VWC2L: variants seen among roughly 807,000 people sequenced by gnomAD.
VWC2L encodes von Willebrand factor C domain-containing protein 2-like.
In VWC2L, 10 loss-of-function variants were observed where a neutral mutation model predicts 21.6. The ratio of observed to expected loss-of-function variants is 0.46; its 90% CI spans 0.29 to 0.78. The LOEUF (loss-of-function observed/expected upper bound fraction) is 0.78, where lower values mean the gene tolerates loss of function less well. Ranked by LOEUF, VWC2L falls within the 30% of genes least tolerant of loss-of-function variation. The pLI is 0.10. For synonymous variants in VWC2L, 96 were observed against 94.3 expected, an observed-to-expected ratio of 1.02 and a Z score of -0.10; for missense variants, 209 against 277.1, an observed-to-expected ratio of 0.75 and a Z score of 1.74.
chr2:214,476,004 C>T (rs181999703), intron 3 of VWC2L, among the ~76,000 whole-genome samples: 32 of 152,292 alleles, frequency 2.1e-4, no homozygotes, highest in African/African-American at 7.7e-4. Flanking sequence ...AAATAGAATA[C>T]GTGAAAATAG....
At chr2:214,465,946 C>A (rs552111921) in intron 3 of VWC2L, among the ~76,000 whole-genome samples, 1 of 152,178 alleles carries the variant, frequency 6.6e-6, no homozygotes, top group Non-Finnish European at 1.5e-5. Flanking sequence ...AATCGCTGCA[C>A]TCTCCCTCCC....
chr2:214,456,567 A>C (rs1318021715), intron 3 of VWC2L, among the ~76,000 whole-genome samples: 1 of 152,052 alleles, frequency 6.6e-6, no homozygotes, highest in Admixed American at 6.6e-5. Flanking sequence ...AAAGATTTTT[A>C]GTTTAATATA....
chr2:214,559,499 T>A (rs1689929996), intron 3 of VWC2L, among the ~76,000 whole-genome samples: 1 of 152,144 alleles, frequency 6.6e-6, no homozygotes, highest in Admixed American at 6.5e-5. Context: ...CACTGGCCCC[T>A]CCTTCTCCCA....
intron 3 of VWC2L, among the ~76,000 whole-genome samples, chr2:214,514,501 T>G (rs187334515): frequency 6.6e-6 from 1 of 152,346 alleles, no homozygotes; most frequent in East Asian, 1.9e-4. Flanking sequence ...GGAATAGTAG[T>G]AAACTTAGTT....
intron 3 of VWC2L, among the ~76,000 whole-genome samples, chr2:214,556,112 T>C (rs949872958): frequency 2.0e-5 from 3 of 152,052 alleles, no homozygotes; most frequent in Non-Finnish European, 4.4e-5. Flanking sequence ...AAATATAAAT[T>C]AGCTGGGCAT....
At position 214,484,023 on chromosome 2, in the gene VWC2L, C is replaced by G. The variant is rs543923918; in HGVS notation, c.520+47265C>G. Among the ~76,000 whole-genome samples the G allele has an allele frequency of 3.8e-4, 58 of 152,178 alleles. 1 individual carries two copies. Among genetic ancestry groups the G allele is most frequent in the Admixed American group, 1.7e-3 (26 of 15,268 alleles). ...TGCTGCTTCTAGTTTCTGGCAATCG[C>G]TGGCAATCTTTGGTGTTCCTTGGCT... is the stretch of plus-strand genomic sequence containing the variant. On this transcript the variant is annotated intron_variant, in intron 3 of 3. Transcript: ENST00000312504.
intron 3 of VWC2L, among the ~76,000 whole-genome samples, chr2:214,449,713 T>C (rs563651511): frequency 7.9e-4 from 121 of 152,288 alleles, no homozygotes; most frequent in Non-Finnish European, 1.5e-3. Context: ...AATATATTTA[T>C]GGTTGGATAC....
intron 3 of VWC2L, among the ~76,000 whole-genome samples, chr2:214,461,380 C>T (rs1477177176): frequency 6.6e-6 from 1 of 152,148 alleles, no homozygotes; most frequent in Non-Finnish European, 1.5e-5. Flanking sequence ...AGGGGGAACA[C>T]TCTAGTGTTA....
intron 3 of VWC2L, among the ~76,000 whole-genome samples, chr2:214,528,920 C>T (rs548236054): frequency 1.2e-4 from 18 of 152,246 alleles, no homozygotes; most frequent in African/African-American, 4.3e-4. Flanking sequence ...ACAATAAATC[C>T]TATTTCACTT....
intron 3 of VWC2L, among the ~76,000 whole-genome samples, chr2:214,488,599 AAAAAC>A (rs1688705035): frequency 6.6e-6 from 1 of 152,226 alleles, no homozygotes; most frequent in East Asian, 1.9e-4. Context: ...TCCAGTCTCA[AAAAAC>A]AAAACAAAAC....
chr2:214,428,328 G>A (rs747102696), intron 2 of VWC2L, among the ~76,000 whole-genome samples: 4 of 152,332 alleles, frequency 2.6e-5, no homozygotes, highest in Non-Finnish European at 4.4e-5. Context: ...GTCCAAGGTA[G>A]AACAGCAAGC....
intron 3 of VWC2L, among the ~76,000 whole-genome samples, chr2:214,498,302 C>T (rs1688839601): frequency 6.6e-6 from 1 of 152,120 alleles, no homozygotes. Flanking sequence ...TTGATAGATC[C>T]TTGGCATCTC....
intron 3 of VWC2L, among the ~76,000 whole-genome samples, chr2:214,448,208 G>T (rs933887678): frequency 6.6e-6 from 1 of 152,058 alleles, no homozygotes; most frequent in Non-Finnish European, 1.5e-5. Context: ...TATCTATTTT[G>T]TTCACAGTTG....
intron 3 of VWC2L, chr2:214,534,226 T>C (rs1281781539): frequency 1.3e-5 from 2 of 152,536 alleles, no homozygotes; most frequent in Admixed American, 6.6e-5. Flanking sequence ...CCAGAAGCCG[T>C]TGTCGCATCC....
intron 3 of VWC2L, among the ~76,000 whole-genome samples, chr2:214,544,926 G>C (rs1489273669): frequency 6.6e-6 from 1 of 152,088 alleles, no homozygotes; most frequent in Non-Finnish European, 1.5e-5. Context: ...CAAAAACTAA[G>C]ATTTGAATGA....
intron 3 of VWC2L, among the ~76,000 whole-genome samples, chr2:214,567,593 CACAGAG>C (rs1225618401): frequency 6.8e-5 from 9 of 133,000 alleles, no homozygotes; most frequent in South Asian, 4.6e-4. Context: ...CACACACACA[CACAGAG>C]AGAGAGAGAG....
intron 2 of VWC2L, 78 bp downstream of exon 2, chr2:214,414,661 G>A (rs1702328419): frequency 3.4e-6 from 5 of 1,466,968 alleles, no homozygotes; most frequent in Admixed American, 5.0e-5. Flanking sequence ...ATTAAAGTCA[G>A]AGTTGGAAAA....
At chr2:214,452,686 C>T (rs1389265870) in intron 3 of VWC2L, among the ~76,000 whole-genome samples, 2 of 151,982 alleles carry the variant, frequency 1.3e-5, no homozygotes, top group Non-Finnish European at 2.9e-5. Context: ...AATGGCTGTA[C>T]CATTTCAAAT....
chr2:214,522,806 ATTG>A (rs1689265809), intron 3 of VWC2L, among the ~76,000 whole-genome samples: 1 of 152,188 alleles, frequency 6.6e-6, no homozygotes, highest in South Asian at 2.1e-4. Context: ...CACTTTTCAA[ATTG>A]TTGTTTTTGT....
Sources: allele counts gnomAD v4.1 joint callset (sites outside exome capture counted in the v4.1 genomes callset), GRCh38; gene constraint gnomAD v4.1.1; transcripts MANE v1.5; gene names NCBI Gene and HGNC (gene_info 2026-07-23, HGNC 2026-07-21).